The following SLCO1A2 variants were observed in gnomAD, a reference collection of about 807,000 sequenced individuals.
The protein encoded by SLCO1A2 is OATP-1.
Under a neutral mutation model 69.0 loss-of-function variants are expected in SLCO1A2, and 67 were observed. That is an observed-to-expected ratio of 0.97 (90% CI 0.80 to 1.19). The LOEUF (loss-of-function observed/expected upper bound fraction) is 1.19, where lower values mean the gene tolerates loss of function less well. Ranked by LOEUF, SLCO1A2 falls within the 50% of genes most tolerant of loss-of-function variation. The pLI is 0.00. For missense variants in SLCO1A2, 787 were observed against 793.7 expected, an observed-to-expected ratio of 0.99 and a Z score of 0.10; for synonymous variants, 260 against 265.9, an observed-to-expected ratio of 0.98 and a Z score of 0.22.
At chr12:21,381,264 C>T (rs1023067419) in intron 1 of SLCO1A2, among the ~76,000 whole-genome samples, 1 of 151,880 alleles carries the variant, frequency 6.6e-6, no homozygotes, top group Non-Finnish European at 1.5e-5. Context: ...GCAAACTACC[C>T]ATCCGATAAA....
chr12:21,317,042 AT>A (rs767235063), intron 3 of SLCO1A2, among the ~76,000 whole-genome samples: 11 of 152,150 alleles, frequency 7.2e-5, no homozygotes, highest in Non-Finnish European at 8.8e-5. Flanking sequence ...TATTTTGATA[AT>A]TCTACTTCAA....
intron 1 of SLCO1A2, among the ~76,000 whole-genome samples, chr12:21,410,028 A>G (rs933078737): frequency 1.3e-5 from 2 of 152,204 alleles, no homozygotes; most frequent in African/African-American, 4.8e-5. Flanking sequence ...GGAGCATAAC[A>G]TTGAATTAAT....
intron 1 of SLCO1A2, chr12:21,376,278 T>C (rs12305367): frequency 0.21 from 65,201 of 304,350 alleles, 8,612 homozygotes; most frequent in African/African-American, 0.43. Context: ...TACCTTTGAA[T>C]CTTCTCAATT....
intron 2 of SLCO1A2, among the ~76,000 whole-genome samples, chr12:21,355,353 C>T (rs1938281897): frequency 6.6e-6 from 1 of 152,080 alleles, no homozygotes; most frequent in African/African-American, 2.4e-5. Context: ...TAAGTTAAGA[C>T]AAACATATTT....
At chr12:21,369,709 G>C (rs1487776662) in intron 2 of SLCO1A2, among the ~76,000 whole-genome samples, 2 of 152,170 alleles carry the variant, frequency 1.3e-5, no homozygotes, top group African/African-American at 4.8e-5. Flanking sequence ...TGGATCCAAG[G>C]TGGGGCCTGA....
chr12:21,347,702 A>AGGAAGGAAGGAAGGAAGAAAG (rs1555122088), intron 2 of SLCO1A2, among the ~76,000 whole-genome samples: 95 of 148,296 alleles, frequency 6.4e-4, no homozygotes, highest in African/African-American at 1.9e-3. Flanking sequence ...GGAAGGAAGA[A>AGGAAGGAAGGAAGGAAGAAAG]GGAAAAAAGG....
chr12:21,377,522 C>T (rs1759973316), intron 1 of SLCO1A2, among the ~76,000 whole-genome samples: 1 of 152,180 alleles, frequency 6.6e-6, no homozygotes, highest in Admixed American at 6.6e-5. Flanking sequence ...AGTCATCTTG[C>T]TTGACTGAAG....
chr12:21,298,245 T>C (rs1948046247), intron 8 of SLCO1A2, among the ~76,000 whole-genome samples: 1 of 152,202 alleles, frequency 6.6e-6, no homozygotes, highest in Non-Finnish European at 1.5e-5. Context: ...ATGTAAATGA[T>C]TTAATCAAAA....
upstream of SLCO1A2, among the ~76,000 whole-genome samples, chr12:21,418,948 T>C (rs1219145202): frequency 6.6e-6 from 1 of 152,138 alleles, no homozygotes; most frequent in African/African-American, 2.4e-5. Flanking sequence ...TAATATTTAG[T>C]AGCACACAAA....
intron 2 of SLCO1A2, 30 bp from the exon 3 acceptor site, chr12:21,318,953 A>G: frequency 1.9e-6 from 3 of 1,542,200 alleles, no homozygotes; most frequent in Non-Finnish European, 2.6e-6. Context: ...AAACGTAGAA[A>G]AAATTATTTT....
intron 1 of SLCO1A2, chr12:21,378,386 AG>A: frequency 6.2e-7 from 1 of 1,614,144 alleles, no homozygotes; most frequent in Non-Finnish European, 8.5e-7. Context: ...AATGCAGTAG[AG>A]GTTTTAAAGA....
rs756572427 is a variant in SLCO1A2 at position 21,269,811 on chromosome 12, G to T, written c.1794-44C>A. On this transcript the variant is annotated intron_variant, in intron 14 of 14. Transcript: ENST00000683939. ...AAACATATTAAATATTACATAGTGT[G>T]GTTAGTGCAAACTAAATTTGTATAT... The T allele has an allele frequency of 4.8e-6, 7 of 1,455,018 alleles. No homozygotes were observed. In the South Asian group the frequency reaches 9.5e-5, roughly 20 times the overall value. 90.1% of individuals were successfully genotyped at this position (1,455,018 alleles called of 1,614,324 possible).
chr12:21,319,034 AC>A, intron 2 of SLCO1A2, 111 bp from the exon 3 acceptor site: 1 of 813,928 alleles, frequency 1.2e-6, no homozygotes, highest in Non-Finnish European at 1.9e-6. Context: ...AACTTAAGTA[AC>A]CTTTGAATTT....
At chr12:21,379,078 A>C (rs935466697) in intron 1 of SLCO1A2, 1 of 152,242 alleles carries the variant, frequency 6.6e-6, no homozygotes, top group Non-Finnish European at 1.5e-5. Context: ...CGTCTCAAAA[A>C]AAAGAAAGAA....
At chr12:21,366,442 G>A (rs952132689) in intron 2 of SLCO1A2, among the ~76,000 whole-genome samples, 5 of 152,058 alleles carry the variant, frequency 3.3e-5, no homozygotes, top group African/African-American at 1.2e-4. Context: ...TATACCTAAT[G>A]TAAATGACGA....
At chr12:21,327,716 A>T (rs547730232) in intron 2 of SLCO1A2, among the ~76,000 whole-genome samples, 1 of 152,088 alleles carries the variant, frequency 6.6e-6, no homozygotes, top group South Asian at 2.1e-4. Flanking sequence ...GGGTTTATTT[A>T]CTCAATGCCT....
chr12:21,378,347 A>G (rs1940360402), intron 1 of SLCO1A2: 2 of 1,614,148 alleles, frequency 1.2e-6, no homozygotes, highest in African/African-American at 2.7e-5. Flanking sequence ...TCATCTACCA[A>G]CGTGGGATCC....
rs1036836139 is a variant in SLCO1A2 at position 21,294,031 on chromosome 12, C to T, written c.1351G>A (p.Asp451Asn). 12 of 1,612,224 alleles carry T rather than the reference C, an allele frequency of 7.4e-6. No individual in the cohort carries two copies. In the Admixed American group the frequency reaches 1.3e-4, roughly 18 times the overall value. The part of the protein sequence containing the change: ...VDCNCPSKIW[D>N]PVCGNNGLSY... ...AAGCCATTGTTTCCACACACAGGAT[C>T]CCATATTTTAGATGGACAGTTGCAA... Residue 451 changes from aspartate (D) to asparagine (N), a missense_variant, in exon 11 of 15, where the codon GAT becomes AAT. Coordinates refer to ENST00000683939, the MANE Select transcript of SLCO1A2 (RefSeq NM_001386879.1).
chr12:21,328,832 G>A (rs914444080), intron 2 of SLCO1A2, among the ~76,000 whole-genome samples: 2 of 152,138 alleles, frequency 1.3e-5, no homozygotes, highest in African/African-American at 4.8e-5. Context: ...CAAAGGGGAG[G>A]GGAGAGGTTA....
Sources: gnomAD v4.1 joint callset for allele counts (sites outside exome capture counted in the v4.1 genomes callset) on GRCh38, gnomAD v4.1.1 for gene constraint, MANE v1.5 for transcripts, NCBI Gene and HGNC (gene_info 2026-07-23, HGNC 2026-07-21) for gene names.